Variants in COL14A1 observed in about 807,000 individuals in gnomAD.
COL14A1 encodes collagen alpha-1(XIV) chain.
A neutral mutation model predicts 230.3 loss-of-function variants in COL14A1; 136 were observed. The ratio of observed to expected loss-of-function variants is 0.59; its 90% confidence interval spans 0.51 to 0.68. The LOEUF (loss-of-function observed/expected upper bound fraction) is 0.68, where lower values mean the gene tolerates loss of function less well. Among genes scored for constraint, COL14A1 ranks in the 30% least tolerant of loss-of-function variants. The pLI is 0.00. For synonymous variants in COL14A1, 792 were observed against 784.1 expected (o/e 1.01, Z -0.17); for missense variants, 1,976 against 2,215.8 (o/e 0.89, Z 2.17).
intron 10 of COL14A1, among the ~76,000 whole-genome samples, 174 bp downstream of exon 10, chr8:120,207,268 G>T (rs1304468054): frequency 6.6e-6 from 1 of 152,132 alleles, no homozygotes; most frequent in Non-Finnish European, 1.5e-5. Flanking sequence ...TCTGAGTTAT[G>T]GCAATTACAT....
chr8:120,214,432 C>T (rs1248116125), intron 13 of COL14A1, among the ~76,000 whole-genome samples: 1 of 152,194 alleles, frequency 6.6e-6, no homozygotes, highest in African/African-American at 2.4e-5. Flanking sequence ...CTGTAAAGAG[C>T]TCATGAAGCT....
In COL14A1 at chr8:120,286,137, T is replaced by C. The variant is rs17237275; in HGVS notation, c.4077+167T>C. Among the ~76,000 whole-genome samples, 20,646 of 152,118 alleles carry C rather than the reference T, an allele frequency of 0.14. 1,524 individuals carry two copies. Among genetic ancestry groups the C allele is most frequent in the Non-Finnish European group, 0.16 (10,967 of 67,988 alleles). On this transcript the variant is annotated intron_variant, in intron 33 of 47. Coordinates refer to ENST00000297848, the MANE Select transcript of COL14A1 (RefSeq NM_021110.4). The stretch of plus-strand genomic sequence containing the variant: ...TTGTTAACAGATTCTGATTTGGTAG[T>C]TCTGAGAGAGGACCCTGAAATGTGC...
In COL14A1 at chr8:120,277,867, T is replaced by C. The variant is rs28529014; in HGVS notation, c.3214-244T>C. On this transcript the variant is annotated intron_variant, in intron 26 of 47. Coordinates refer to ENST00000297848, the MANE Select transcript of COL14A1 (RefSeq NM_021110.4). ...ACACCACCTCTCAGTGACATGCCGT[T>C]TACCCATGTAACAAACCTACACAAT... 0.49 allele frequency: 110,454 copies of C among 224,172 alleles called. 28,422 individuals are homozygous for C. Among genetic ancestry groups the C allele is most frequent in the African/African-American group, 0.67 (29,181 of 43,820 alleles). The allele number at this position is 224,172 out of a possible 1,614,324, so 13.9% of individuals were successfully genotyped here. A position where few individuals can be genotyped will look rare whatever the true frequency, so the allele number is the denominator to read the frequency against.
chr8:120,311,057 G>T (rs565117426), intron 37 of COL14A1, among the ~76,000 whole-genome samples: 1 of 152,174 alleles, frequency 6.6e-6, no homozygotes, highest in Admixed American at 6.5e-5. Context: ...ATGAAGCAAG[G>T]TAGAAGAAAA....
intron 33 of COL14A1, among the ~76,000 whole-genome samples, chr8:120,287,277 G>T (rs990068868): frequency 1.3e-5 from 2 of 151,670 alleles, no homozygotes. Context: ...CAGAAGAAAA[G>T]GTATCTGAAA....
intron 20 of COL14A1, among the ~76,000 whole-genome samples, chr8:120,246,302 G>A (rs16893725): frequency 0.074 from 11,327 of 152,156 alleles, 977 homozygotes; most frequent in East Asian, 0.41. Flanking sequence ...AGTATTGTGA[G>A]TCCTTGGAGC....
intron 5 of COL14A1, among the ~76,000 whole-genome samples, chr8:120,190,241 G>A (rs994854069): frequency 6.6e-6 from 1 of 152,092 alleles, no homozygotes; most frequent in Non-Finnish European, 1.5e-5. Context: ...GCCAGTGATG[G>A]TGAGCATTTT....
At chr8:120,155,883 C>A (rs1033739521) in intron 2 of COL14A1, among the ~76,000 whole-genome samples, 1 of 152,116 alleles carries the variant, frequency 6.6e-6, no homozygotes, top group Non-Finnish European at 1.5e-5. Flanking sequence ...CCTTCCTCTT[C>A]CATTTGAAAA....
intron 23 of COL14A1, among the ~76,000 whole-genome samples, chr8:120,259,946 G>A (rs940636640): frequency 6.6e-6 from 1 of 152,132 alleles, no homozygotes; most frequent in African/African-American, 2.4e-5. Context: ...TTGGACCTAA[G>A]CAAAGCGAAA....
At chr8:120,127,013 A>G (rs1381441958) in intron 1 of COL14A1, among the ~76,000 whole-genome samples, 2 of 152,320 alleles carry the variant, frequency 1.3e-5, no homozygotes, top group East Asian at 3.9e-4. Context: ...GTTTTCACAG[A>G]GCAGAGTAAA....
chr8:120,225,439 A>C (rs181750197), intron 15 of COL14A1, among the ~76,000 whole-genome samples: 1 of 152,274 alleles, frequency 6.6e-6, no homozygotes, highest in Admixed American at 6.5e-5. Context: ...TAAATTCAAA[A>C]GGTCTGTTTT....
intron 23 of COL14A1, among the ~76,000 whole-genome samples, chr8:120,258,240 A>G (rs895524865): frequency 2.0e-5 from 3 of 152,110 alleles, no homozygotes; most frequent in Non-Finnish European, 4.4e-5. Context: ...CTGCTCTTCT[A>G]TGCCTTCATT....
At chr8:120,245,854 A>T (rs1319321976) in intron 20 of COL14A1, among the ~76,000 whole-genome samples, 1 of 152,166 alleles carries the variant, frequency 6.6e-6, no homozygotes, top group Admixed American at 6.5e-5. Context: ...TCAGGACTGT[A>T]ACAGCAAGAG....
intron 3 of COL14A1, among the ~76,000 whole-genome samples, chr8:120,159,661 C>A (rs1405223388): frequency 6.6e-6 from 1 of 152,006 alleles, no homozygotes; most frequent in East Asian, 1.9e-4. Flanking sequence ...TGCTTGGTCA[C>A]CAAAAGGCCA....
In COL14A1 at chr8:120,278,169, A is replaced by G; in HGVS notation, c.3272A>G (p.Lys1091Arg). 2.5e-6 allele frequency: 4 copies of G among 1,612,254 alleles called. No homozygotes were observed. The highest frequency in any genetic ancestry group is 3.4e-6 in the Non-Finnish European group (4 of 1,179,058). The change falls in exon 27 of 48, where the codon AAA (lysine) becomes AGA (arginine). Residue 1091 changes from lysine to arginine, a missense_variant. By Grantham distance (26) the Lys-to-Arg change is conservative. This residue lies in a region of COL14A1 where 1,791 missense variants were observed against 2,019.5 expected (regional missense o/e 0.89). Transcript: ENST00000297848. The part of the protein sequence containing the change: ...PRTEFKLNAY[K>R]TKETLLDAIK... Reference sequence around the variant, plus strand: ...ACAGAATTTAAACTAAATGCTTACAAAACCAAAGAGACTCTTCTTGATGCA... The same window carrying G: ...ACAGAATTTAAACTAAATGCTTACAGAACCAAAGAGACTCTTCTTGATGCA...
intron 14 of COL14A1, 43 bp from the exon 15 acceptor site, chr8:120,225,045 T>C: frequency 6.4e-7 from 1 of 1,572,532 alleles, no homozygotes; most frequent in Non-Finnish European, 8.6e-7. Flanking sequence ...TTCTTATACT[T>C]AGCATTAGAT....
intron 5 of COL14A1, among the ~76,000 whole-genome samples, chr8:120,174,978 G>A (rs751718853): frequency 2.6e-5 from 4 of 152,126 alleles, no homozygotes; most frequent in African/African-American, 4.8e-5. Flanking sequence ...TGGTACTCTC[G>A]TGATCCACAT....
intron 22 of COL14A1, 151 bp from the exon 23 acceptor site, chr8:120,255,089 C>G: frequency 1.5e-6 from 1 of 671,236 alleles, no homozygotes; most frequent in Non-Finnish European, 2.7e-6. Context: ...AAACATTTAT[C>G]TTTTGTATAC....
chr8:120,127,378 G>A lies in COL14A1; in HGVS notation c.-38+2038G>A, dbSNP rs1411911621. On this transcript the variant is annotated intron_variant, in intron 1 of 47. Coordinates refer to ENST00000297848, the MANE Select transcript of COL14A1 (RefSeq NM_021110.4). ...AAAGGACAGGCGCCCCACTGGTAAGGCCTCTTAGTAATTCCCTGGGAAGTA... is the reference window on the plus strand; with the variant it reads ...AAAGGACAGGCGCCCCACTGGTAAGACCTCTTAGTAATTCCCTGGGAAGTA... 2.6e-5 allele frequency among the ~76,000 whole-genome samples: 4 copies of A among 152,132 alleles called. No individual in the cohort carries two copies. The East Asian group carries it at 7.7e-4, about 29-fold the overall frequency.
Sources: gnomAD v4.1 joint callset for allele counts (sites outside exome capture counted in the v4.1 genomes callset) on GRCh38, gnomAD v4.1.1 for gene constraint, gnomAD v4.1.1 regional missense constraint, MANE v1.5 for transcripts, NCBI Gene and HGNC (gene_info 2026-07-23, HGNC 2026-07-21) for gene names.